Variants in CTDSPL observed in about 807,000 individuals in gnomAD.
CTDSPL encodes the protein CTD small phosphatase like, also known as CTD small phosphatase-like protein.
Under a neutral mutation model 30.5 loss-of-function variants are expected in CTDSPL, and 8 were observed. The ratio of observed to expected loss-of-function variants is 0.26; its 90% CI spans 0.15 to 0.47. The LOEUF (loss-of-function observed/expected upper bound fraction) is 0.47. CTDSPL is among the 20% of genes least tolerant of loss of function. CTDSPL has a pLI of 0.99. For synonymous variants in CTDSPL, 110 were observed against 137.9 expected, an observed-to-expected ratio of 0.80 and a Z score of 1.42; for missense variants, 248 against 366.1, an observed-to-expected ratio of 0.68 and a Z score of 2.63.
chr3:37,929,568 A>G (rs1698825935), intron 1 of CTDSPL, among the ~76,000 whole-genome samples: 1 of 151,892 alleles, frequency 6.6e-6, no homozygotes, highest in Non-Finnish European at 1.5e-5. Flanking sequence ...TGTTTTCTTA[A>G]TTTCCTTTTT....
At chr3:37,903,027 G>A (rs1450714273) in intron 1 of CTDSPL, among the ~76,000 whole-genome samples, 1 of 152,204 alleles carries the variant, frequency 6.6e-6, no homozygotes, top group Non-Finnish European at 1.5e-5. Context: ...GTGGGCTTCA[G>A]TTGTTTGAGA....
chr3:37,879,193 T>C (rs1575278553), intron 1 of CTDSPL, among the ~76,000 whole-genome samples: 1 of 152,340 alleles, frequency 6.6e-6, no homozygotes, highest in East Asian at 1.9e-4. Flanking sequence ...ATTCAGGAAG[T>C]ATAACCCAGT....
At chr3:37,937,385 C>T (rs1183303890) in intron 1 of CTDSPL, among the ~76,000 whole-genome samples, 1 of 150,166 alleles carries the variant, frequency 6.7e-6, no homozygotes, top group African/African-American at 2.4e-5. Flanking sequence ...TGAGTTCTTG[C>T]TCTTATGGGA....
intron 1 of CTDSPL, 109 bp from the exon 2 acceptor site, chr3:37,946,948 G>A: frequency 8.2e-7 from 1 of 1,223,944 alleles, no homozygotes; most frequent in Non-Finnish European, 1.1e-6. Flanking sequence ...GGCCCTCAGG[G>A]CTGGAATCTG....
At chr3:37,863,841 C>T (rs1183835265) in intron 1 of CTDSPL, among the ~76,000 whole-genome samples, 1 of 152,228 alleles carries the variant, frequency 6.6e-6, no homozygotes, top group Non-Finnish European at 1.5e-5. Context: ...AGACCACAAA[C>T]ATTGTATGTG....
intron 2 of CTDSPL, among the ~76,000 whole-genome samples, chr3:37,952,237 A>G (rs1699118814): frequency 6.6e-6 from 1 of 152,226 alleles, no homozygotes; most frequent in African/African-American, 2.4e-5. Flanking sequence ...AGAAAGTGAG[A>G]AAGAAAGAAA....
chr3:37,872,445 T>G (rs957537682), intron 1 of CTDSPL, among the ~76,000 whole-genome samples: 1 of 151,868 alleles, frequency 6.6e-6, no homozygotes, highest in Non-Finnish European at 1.5e-5. Context: ...AGCCTTCTGT[T>G]TTGGTTGGTT....
intron 1 of CTDSPL, among the ~76,000 whole-genome samples, chr3:37,920,803 T>A (rs1698704066): frequency 6.6e-6 from 1 of 151,964 alleles, no homozygotes; most frequent in Non-Finnish European, 1.5e-5. Context: ...TTTCACTTGC[T>A]GTATAGCATG....
chr3:37,877,106 A>G (rs573930397), intron 1 of CTDSPL, among the ~76,000 whole-genome samples: 312 of 105,944 alleles, frequency 2.9e-3, no homozygotes, highest in African/African-American at 0.011. Flanking sequence ...ACTCTGTCTC[A>G]AAAAAAAAAA....
chr3:37,948,216 G>A (rs926326624), intron 2 of CTDSPL, among the ~76,000 whole-genome samples: 7 of 152,068 alleles, frequency 4.6e-5, no homozygotes, highest in Admixed American at 2.6e-4. Flanking sequence ...CCTGGGAGAC[G>A]GAGGTTGCAG....
rs1459574333 is a variant in CTDSPL, at chr3:37,875,462, C to A, written c.79+13184C>A. 2.0e-5 allele frequency among the ~76,000 whole-genome samples: 3 copies of A among 152,224 alleles called. No homozygotes were observed. In the East Asian group the frequency reaches 5.8e-4, roughly 29 times the overall value. ...TATTTGATGACTGATGCTGTTCTTA[C>A]CTTTCAAAATCAGTATTTAAGCTTT... On this transcript the variant is annotated intron_variant, in intron 1 of 7. Transcript: ENST00000273179.
rs763565596 is a variant in CTDSPL, at chr3:37,940,901, G to C, written c.80-6156G>C. ...TGCTGCTGGGCCAGCACTCTGCCTA[G>C]AAGACCAGGGAAGCATTTGGAAGGC... is the stretch of plus-strand genomic sequence containing the variant. On this transcript the variant is annotated intron_variant, in intron 1 of 7. Coordinates refer to ENST00000273179, the MANE Select transcript of CTDSPL (RefSeq NM_001008392.2). Among the ~76,000 whole-genome samples the C allele has an allele frequency of 2.5e-4, 37 of 150,456 alleles. 3 individuals carry two copies. The highest frequency in any genetic ancestry group is 5.1e-4 in the Non-Finnish European group (34 of 67,110).
At chr3:37,927,303 A>C (rs1698791491) in intron 1 of CTDSPL, among the ~76,000 whole-genome samples, 2 of 152,242 alleles carry the variant, frequency 1.3e-5, no homozygotes, top group African/African-American at 4.8e-5. Flanking sequence ...GCACAAAATC[A>C]TTAAACATAT....
At chr3:37,976,293 AC>A (rs1221192985) in intron 7 of CTDSPL, among the ~76,000 whole-genome samples, 1 of 152,126 alleles carries the variant, frequency 6.6e-6, no homozygotes, top group East Asian at 1.9e-4. Context: ...GGACTTCATG[AC>A]CCCTGTAGAC....
intron 1 of CTDSPL, among the ~76,000 whole-genome samples, chr3:37,916,561 T>C (rs1334023454): frequency 2.0e-5 from 3 of 152,082 alleles, no homozygotes; most frequent in Non-Finnish European, 1.5e-5. Context: ...GAGAAGATGA[T>C]AGAGGCAGAG....
chr3:37,926,938 A>C (rs1260894292), intron 1 of CTDSPL, among the ~76,000 whole-genome samples: 1 of 152,216 alleles, frequency 6.6e-6, no homozygotes, highest in Non-Finnish European at 1.5e-5. Flanking sequence ...AACAAACCTG[A>C]GTTCAAATTC....
At chr3:37,863,227 G>A (rs973980475) in intron 1 of CTDSPL, among the ~76,000 whole-genome samples, 1 of 152,218 alleles carries the variant, frequency 6.6e-6, no homozygotes, top group Non-Finnish European at 1.5e-5. Context: ...GGGCACTTGT[G>A]GATCCCTTAT....
intron 7 of CTDSPL, among the ~76,000 whole-genome samples, chr3:37,976,655 A>G (rs1212232237): frequency 6.6e-6 from 1 of 152,026 alleles, no homozygotes; most frequent in Non-Finnish European, 1.5e-5. Flanking sequence ...AATGAATAAA[A>G]CACTTCAATA....
rs765613381 is a variant in CTDSPL at position 37,939,575 on chromosome 3, A to T, written c.80-7482A>T. Among the ~76,000 whole-genome samples the T allele has an allele frequency of 1.5e-4, 22 of 150,210 alleles. 3 individuals are homozygous for T. Among genetic ancestry groups the T allele is most frequent in the Non-Finnish European group, 3.0e-4 (20 of 67,028 alleles). ...TAAGACAGTGACATTCATGGTACAA[A>T]TCTGATCCCGTCACTCCCCTTTTCC... On this transcript the variant is annotated intron_variant, in intron 1 of 7. Coordinates refer to ENST00000273179, the MANE Select transcript of CTDSPL (RefSeq NM_001008392.2).
Sources: allele counts gnomAD v4.1 joint callset (sites outside exome capture counted in the v4.1 genomes callset), GRCh38; gene constraint gnomAD v4.1.1; transcripts MANE v1.5; gene names NCBI Gene and HGNC (gene_info 2026-07-23, HGNC 2026-07-21).